Variants in EXD3 observed in about 807,000 individuals in gnomAD.
EXD3 encodes the protein exonuclease mut-7 homolog.
In EXD3, 92 loss-of-function variants were observed where a neutral mutation model predicts 98.0. The observed-to-expected ratio is 0.94, with a 90% CI of 0.79 to 1.12. EXD3 has a LOEUF of 1.12. Ranked by LOEUF, EXD3 falls within the 50% of genes most tolerant of loss-of-function variation. The pLI, the probability that EXD3 is intolerant of heterozygous loss-of-function variation, is 0.00. For synonymous variants in EXD3, 569 were observed against 526.0 expected (o/e 1.08, Z -1.12); for missense variants, 1,222 against 1,191.6 (o/e 1.03, Z -0.38).
chr9:137,408,660 G>A (rs1482160399), intron 1 of EXD3, among the ~76,000 whole-genome samples: 1 of 151,704 alleles, frequency 6.6e-6, no homozygotes, highest in Non-Finnish European at 1.5e-5. Context: ...CAGCTGAACC[G>A]GCCCCTCAGA....
intron 19 of EXD3, among the ~76,000 whole-genome samples, chr9:137,313,945 G>A (rs954700730): frequency 6.6e-6 from 1 of 152,194 alleles, no homozygotes; most frequent in Non-Finnish European, 1.5e-5. Flanking sequence ...TGTGTGCGGA[G>A]ATCCTCACAT....
chr9:137,340,156 T>C (rs1239862288), intron 17 of EXD3, among the ~76,000 whole-genome samples: 1 of 152,156 alleles, frequency 6.6e-6, no homozygotes, highest in Non-Finnish European at 1.5e-5. Context: ...AGAAAAGACA[T>C]GCAAGATCTT....
At chr9:137,355,443 GGGAGGATGGAGGAAGGAGAAA>G (rs1834595953) in intron 8 of EXD3, among the ~76,000 whole-genome samples, 1 of 15,918 alleles carries the variant, frequency 6.3e-5, no homozygotes, top group African/African-American at 1.6e-4. Context: ...GATGGAGGAA[GGGAGGATGGAGGAAGGAGAAA>G]GGAGGAAGGA....
chr9:137,314,037 G>T (rs1831503877), intron 19 of EXD3, among the ~76,000 whole-genome samples: 1 of 152,136 alleles, frequency 6.6e-6, no homozygotes, highest in African/African-American at 2.4e-5. Flanking sequence ...CAAGCCCCTG[G>T]GTGGGTCCTG....
chr9:137,334,357 A>T (rs983349122), intron 17 of EXD3, among the ~76,000 whole-genome samples: 9 of 152,206 alleles, frequency 5.9e-5, no homozygotes, highest in African/African-American at 2.2e-4. Context: ...AGTTACCAAA[A>T]CAGCATAGTA....
At chr9:137,406,296 A>AAAAAAGAAAAAGAAAAG (rs1231030591) in intron 1 of EXD3, among the ~76,000 whole-genome samples, 1 of 151,624 alleles carries the variant, frequency 6.6e-6, no homozygotes, top group Non-Finnish European at 1.5e-5. Flanking sequence ...AAAAGGAAAA[A>AAAAAAGAAAAAGAAAAG]AAAAAGAAAA....
At chr9:137,332,852 CA>C (rs779638198) in intron 17 of EXD3, among the ~76,000 whole-genome samples, 1 of 152,134 alleles carries the variant, frequency 6.6e-6, no homozygotes, top group East Asian at 1.9e-4. Flanking sequence ...TGTCAAAAAA[CA>C]AAAAACAAAT....
chr9:137,411,228 C>T (rs543008856), intron 1 of EXD3, among the ~76,000 whole-genome samples: 11 of 152,256 alleles, frequency 7.2e-5, no homozygotes, highest in Non-Finnish European at 1.0e-4. Flanking sequence ...GGGGCACGCA[C>T]GCCCAGAAAG....
At chr9:137,327,074 A>G (rs1022601378) in intron 17 of EXD3, among the ~76,000 whole-genome samples, 1 of 152,054 alleles carries the variant, frequency 6.6e-6, no homozygotes, top group Admixed American at 6.6e-5. Context: ...AGAGGCAGAA[A>G]GTGGAACAGT....
intron 1 of EXD3, among the ~76,000 whole-genome samples, chr9:137,414,674 TTTCC>T (rs1838155255): frequency 6.6e-6 from 1 of 152,206 alleles, no homozygotes; most frequent in African/African-American, 2.4e-5. Context: ...GGATTGTTCC[TTTCC>T]TTAACAATTA....
At chr9:137,356,167 G>A (rs1426953766) in intron 8 of EXD3, 101 bp downstream of exon 8, 2 of 860,016 alleles carry the variant, frequency 2.3e-6, no homozygotes, top group Non-Finnish European at 3.6e-6. Flanking sequence ...GGTCTTGGTT[G>A]GCACCTGAAC....
chr9:137,322,539 C>T (rs1246174667), intron 19 of EXD3, among the ~76,000 whole-genome samples: 3 of 90,912 alleles, frequency 3.3e-5, no homozygotes, highest in South Asian at 5.1e-4. Context: ...GCTCTGCCGA[C>T]ACCTCAACCC....
chr9:137,317,474 G>A (rs1398229643), intron 19 of EXD3, among the ~76,000 whole-genome samples: 4 of 152,108 alleles, frequency 2.6e-5, no homozygotes, highest in Non-Finnish European at 4.4e-5. Flanking sequence ...ACTACCTCAC[G>A]AACCTGTGGT....
intron 2 of EXD3, among the ~76,000 whole-genome samples, chr9:137,383,832 G>A (rs186027629): frequency 0.02 from 3,064 of 149,530 alleles, 38 homozygotes; most frequent in Middle Eastern, 0.038. Flanking sequence ...CTCCCGCGCC[G>A]CCCCCTCCCT....
chr9:137,389,497 T>C (rs1836779943), intron 2 of EXD3, among the ~76,000 whole-genome samples: 1 of 151,822 alleles, frequency 6.6e-6, no homozygotes, highest in African/African-American at 2.4e-5. Context: ...CTGCCTCTGC[T>C]GGGAAAGCGG....
At chr9:137,402,161 G>T (rs192075374) in intron 1 of EXD3, among the ~76,000 whole-genome samples, 19 of 152,182 alleles carry the variant, frequency 1.2e-4, no homozygotes, top group African/African-American at 3.9e-4. Context: ...GATTACAGGT[G>T]CGTGCCACCA....
Position 137,371,335 on chromosome 9 carries a change from C to T in EXD3, c.462+1570G>A, listed in dbSNP as rs187488712. On this transcript the variant is annotated intron_variant, in intron 5 of 21. Coordinates refer to ENST00000340951, the MANE Select transcript of EXD3 (RefSeq NM_017820.5). This position sits in a 1 kb window ranked among gnomAD's most constrained non-coding sequence, Gnocchi z 8.0. The stretch of plus-strand genomic sequence containing the variant: ...GCTTCTCAGCGCCATGCACCCGCCG[C>T]GAGACGACGGCCCCGGGCGTGGCAG... 1.5e-3 allele frequency among the ~76,000 whole-genome samples: 236 copies of T among 152,306 alleles called. 5 individuals are homozygous for T. The East Asian group carries it at 0.035, about 23-fold the overall frequency.
intron 1 of EXD3, among the ~76,000 whole-genome samples, chr9:137,409,095 G>A (rs924343208): frequency 6.6e-6 from 1 of 152,216 alleles, no homozygotes; most frequent in Non-Finnish European, 1.5e-5. Flanking sequence ...CTTGGGACGT[G>A]CCCGGGGGGT....
intron 1 of EXD3, among the ~76,000 whole-genome samples, chr9:137,404,615 C>T (rs895675112): frequency 6.6e-6 from 1 of 152,238 alleles, no homozygotes; most frequent in African/African-American, 2.4e-5. Flanking sequence ...AATCCCAGCA[C>T]TTTGGGAGGC....
Sources: gnomAD v4.1 joint callset for allele counts (sites outside exome capture counted in the v4.1 genomes callset) on GRCh38, gnomAD v4.1.1 for gene constraint, Gnocchi (gnomAD v3.1) non-coding constraint, MANE v1.5 for transcripts, NCBI Gene and HGNC (gene_info 2026-07-23, HGNC 2026-07-21) for gene names.